The following LAMA3 variants were observed in gnomAD, a reference collection of about 807,000 sequenced individuals.
LAMA3 encodes the protein laminin subunit alpha-3.
Under a neutral mutation model 402.0 loss-of-function variants are expected in LAMA3, and 281 were observed. That is an observed-to-expected ratio of 0.70 (90% CI 0.63 to 0.77). The LOEUF is 0.77. Among genes scored for constraint, LAMA3 ranks in the 30% least tolerant of loss-of-function variants. LAMA3 has a pLI of 0.00. For missense variants in LAMA3, 3,840 were observed against 4,215.5 expected (o/e 0.91, Z 2.47); for synonymous variants, 1,431 against 1,558.4 (o/e 0.92, Z 1.93).
At chr18:23,848,780 C>A (rs1049885447) in intron 32 of LAMA3, among the ~76,000 whole-genome samples, 3 of 152,198 alleles carry the variant, frequency 2.0e-5, no homozygotes, top group Non-Finnish European at 4.4e-5. Flanking sequence ...ATTTCTGGAG[C>A]CTGGAAATTA....
chr18:23,754,581 G>A lies in LAMA3; in HGVS notation c.947+769G>A, dbSNP rs189401169. Among the ~76,000 whole-genome samples, 11 of 152,132 alleles carry A rather than the reference G, an allele frequency of 7.2e-5. No homozygotes were observed. In the East Asian group the frequency reaches 1.3e-3, roughly 19 times the overall value. On this transcript the variant is annotated intron_variant, in intron 6 of 74. Coordinates refer to ENST00000313654, the MANE Select transcript of LAMA3 (RefSeq NM_198129.4). ...TTACATTCTGTTTATCCATTCATTCGTGGATACACACTTGGGGTGCTTCCA... is the reference window on the plus strand; with the variant it reads ...TTACATTCTGTTTATCCATTCATTCATGGATACACACTTGGGGTGCTTCCA...
intron 38 of LAMA3, 93 bp from the exon 39 acceptor site, chr18:23,876,201 G>A: frequency 1.2e-6 from 1 of 831,050 alleles, no homozygotes; most frequent in South Asian, 1.4e-5. Flanking sequence ...AAATAAAAAT[G>A]ATGTGAATGC....
At chr18:23,798,890 A>G (rs1263937836) in intron 12 of LAMA3, among the ~76,000 whole-genome samples, 1 of 152,202 alleles carries the variant, frequency 6.6e-6, no homozygotes, top group Non-Finnish European at 1.5e-5. Context: ...ACAAGAATCT[A>G]TATAGTGTTG....
At chr18:23,787,027 A>T (rs1244558983) in intron 12 of LAMA3, among the ~76,000 whole-genome samples, 1 of 152,242 alleles carries the variant, frequency 6.6e-6, no homozygotes, top group Non-Finnish European at 1.5e-5. Context: ...CATGCCTGTT[A>T]TCTCAGCACT....
chr18:23,805,929 A>G (rs1388400783), intron 12 of LAMA3, among the ~76,000 whole-genome samples: 1 of 152,192 alleles, frequency 6.6e-6, no homozygotes, highest in African/African-American at 2.4e-5. Context: ...AAACCAGCTC[A>G]GGTCTGGTAA....
chr18:23,906,719 A>G (rs528220010), intron 52 of LAMA3, among the ~76,000 whole-genome samples: 23 of 152,352 alleles, frequency 1.5e-4, no homozygotes, highest in Non-Finnish European at 4.4e-5. Flanking sequence ...ACTAACATAC[A>G]ATCATTTGCC....
chr18:23,750,824 G>C (rs1001250954), intron 4 of LAMA3, 94 bp from the exon 5 acceptor site: 1 of 1,354,582 alleles, frequency 7.4e-7, no homozygotes, highest in African/African-American at 1.4e-5. Context: ...AAGAAACCAA[G>C]TGCCTTGGGG....
chr18:23,809,863 C>T (rs1209923051), intron 12 of LAMA3, among the ~76,000 whole-genome samples: 1 of 152,088 alleles, frequency 6.6e-6, no homozygotes, highest in African/African-American at 2.4e-5. Flanking sequence ...CTGATCTGGC[C>T]TGGAATGGCT....
At chr18:23,899,947 G>A (rs546739006) in intron 47 of LAMA3, among the ~76,000 whole-genome samples, 2 of 152,126 alleles carry the variant, frequency 1.3e-5, no homozygotes, top group Admixed American at 6.5e-5. Context: ...CTTGGAGATG[G>A]GACCCCAGTC....
At chr18:23,813,250 A>G (rs2063109589) in intron 14 of LAMA3, 147 bp downstream of exon 14, 4 of 625,068 alleles carry the variant, frequency 6.4e-6, no homozygotes, top group South Asian at 5.5e-5. Context: ...TTCAAAGAGC[A>G]TATGTGATTT....
Position 23,748,010 on chromosome 18 carries a change from A to G in LAMA3, c.515A>G (p.Glu172Gly). Reference sequence around the variant, plus strand: ...CCTCGCCCTGATCTTTGGGTCTTGGAAAGATCTGTAGACTTTGGAAGCACC... The same window carrying G: ...CCTCGCCCTGATCTTTGGGTCTTGGGAAGATCTGTAGACTTTGGAAGCACC... ...NSPRPDLWVL[E>G]RSVDFGSTYS... The change falls in exon 3 of 75, where the codon GAA becomes GGA. Residue 172 changes from glutamate (E) to glycine (G), a missense_variant. This residue lies in a region of LAMA3 where 2,109 missense variants were observed against 2,376.0 expected (regional missense o/e 0.89). Transcript: ENST00000313654. 6.2e-7 allele frequency: 1 copy of G among 1,613,758 alleles called. No homozygotes were observed. Among genetic ancestry groups the G allele is most frequent in the African/African-American group, 1.3e-5 (1 of 75,056 alleles).
intron 64 of LAMA3, 109 bp downstream of exon 64, chr18:23,928,874 C>A (rs2082083157): frequency 1.9e-6 from 2 of 1,034,728 alleles, no homozygotes; most frequent in Non-Finnish European, 3.0e-6. Context: ...TTTTTTCTAT[C>A]ATCACACAGT....
rs762927998 is a variant in LAMA3, at chr18:23,847,647, A to G, written c.4115A>G (p.Asp1372Gly). ...GTIEAAMPECDRDSGQCRCKP... is the reference protein window; with the variant it reads ...GTIEAAMPECGRDSGQCRCKP... ...ATCGAGGCTGCCATGCCGGAGTGTG[A>G]CCGGGACAGCGGGCAGTGCAGGTGA... Residue 1372 changes from aspartate to glycine, a missense_variant, in exon 32 of 75, where the codon GAC (aspartate) becomes GGC (glycine). This residue lies in a region of LAMA3 where 2,109 missense variants were observed against 2,376.0 expected (regional missense o/e 0.89). Coordinates refer to ENST00000313654, the MANE Select transcript of LAMA3 (RefSeq NM_198129.4). 2 of 1,613,828 alleles carry G rather than the reference A, an allele frequency of 1.2e-6. No individual in the cohort carries two copies. The highest frequency in any genetic ancestry group is 2.2e-5 in the South Asian group (2 of 91,040).
At chr18:23,874,527 G>T (rs995998496) in intron 38 of LAMA3, among the ~76,000 whole-genome samples, 3 of 152,206 alleles carry the variant, frequency 2.0e-5, no homozygotes, top group Non-Finnish European at 4.4e-5. Context: ...GTCTTATTGT[G>T]CATGATCTAT....
chr18:23,884,892 G>C (rs1384793581), intron 41 of LAMA3, 39 bp downstream of exon 41: 1 of 1,524,336 alleles, frequency 6.6e-7, no homozygotes, highest in Non-Finnish European at 9.0e-7. Context: ...CTGCAGAGGG[G>C]GCGGGGAGGG....
At chr18:23,946,620 G>T (rs1054492026) in intron 70 of LAMA3, 1 of 257,734 alleles carries the variant, frequency 3.9e-6, no homozygotes, top group African/African-American at 2.2e-5. Flanking sequence ...TTAACATAAT[G>T]TGTTTCAAAT....
intron 36 of LAMA3, among the ~76,000 whole-genome samples, chr18:23,865,447 A>G (rs1023907817): frequency 6.6e-6 from 1 of 152,140 alleles, no homozygotes; most frequent in African/African-American, 2.4e-5. Context: ...CATATTAAGC[A>G]TTTTTTATGT....
chr18:23,753,876 G>A (rs1009665865), intron 6 of LAMA3, 64 bp downstream of exon 6: 1 of 1,061,590 alleles, frequency 9.4e-7, no homozygotes, highest in Non-Finnish European at 1.5e-6. Context: ...TTCAGTGGAT[G>A]TTTGCATCCC....
chr18:23,725,406 C>T (rs1201479183), intron 2 of LAMA3, among the ~76,000 whole-genome samples: 3 of 152,188 alleles, frequency 2.0e-5, no homozygotes, highest in South Asian at 2.1e-4. Context: ...CCACCGCGCC[C>T]GGCCTAACCC....
Sources: allele counts gnomAD v4.1 joint callset (sites outside exome capture counted in the v4.1 genomes callset), GRCh38; gene constraint gnomAD v4.1.1; regional missense constraint gnomAD v4.1.1; transcripts MANE v1.5; gene names NCBI Gene and HGNC (gene_info 2026-07-23, HGNC 2026-07-21).